The following MLLT1 variants were observed in gnomAD, a reference collection of about 807,000 sequenced individuals.
The protein encoded by MLLT1 is protein ENL.
In MLLT1, 11 loss-of-function variants were observed where a neutral mutation model predicts 55.1. The observed-to-expected ratio is 0.20, with a 90% confidence interval of 0.13 to 0.33. MLLT1 has a LOEUF of 0.33. MLLT1 is among the 10% of genes least tolerant of loss of function. The pLI is 1.00. For synonymous variants in MLLT1, 323 were observed against 320.1 expected (o/e 1.01, Z -0.10); for missense variants, 536 against 760.6 (o/e 0.70, Z 3.47).
chr19:6,224,330 C>A lies in MLLT1; in HGVS notation c.547-1646G>T, dbSNP rs77217533. On this transcript the variant is annotated intron_variant, in intron 5 of 11. Transcript: ENST00000252674. ...AGCGGGAGTGCCCCCAGAATCCCCC[C>A]AGCTGGCCTGGGCCATGCAGGGCTA... is the stretch of plus-strand genomic sequence containing the variant. Among the ~76,000 whole-genome samples, 38 of 152,376 alleles carry A rather than the reference C, an allele frequency of 2.5e-4. 1 individual carries two copies. In the East Asian group the frequency reaches 6.4e-3, roughly 26 times the overall value.
chr19:6,269,375 G>A (rs1471996045), intron 2 of MLLT1, among the ~76,000 whole-genome samples: 2 of 152,270 alleles, frequency 1.3e-5, no homozygotes, highest in African/African-American at 2.4e-5. Flanking sequence ...GTGTCCCCAC[G>A]ATTAGGAAGC....
rs2091407180 is a variant in MLLT1, at chr19:6,273,034, T to C, written c.13-2275A>G. 6.6e-6 allele frequency among the ~76,000 whole-genome samples: 1 copy of C among 152,098 alleles called. No individual in the cohort carries two copies. Among genetic ancestry groups the C allele is most frequent in the Non-Finnish European group, 1.5e-5 (1 of 68,012 alleles). On this transcript the variant is annotated intron_variant, in intron 1 of 11. Transcript: ENST00000252674. The surrounding 1 kb of genome is among the most constrained non-coding windows in gnomAD (Gnocchi z 4.3). ...CTCAGGACGACTGTCCCTCTGGAGT[T>C]CCCTGGGAAAAGAGGGCAGGGACTC...
intron 3 of MLLT1, among the ~76,000 whole-genome samples, chr19:6,252,929 G>A (rs574727233): frequency 9.2e-5 from 14 of 152,068 alleles, no homozygotes; most frequent in South Asian, 2.1e-4. Context: ...GCTAGATAAT[G>A]TAAATAAGAC....
intron 3 of MLLT1, among the ~76,000 whole-genome samples, chr19:6,232,764 T>C (rs948066603): frequency 4.6e-5 from 7 of 152,186 alleles, no homozygotes; most frequent in Non-Finnish European, 1.0e-4. Flanking sequence ...GAAAATATGC[T>C]GGAATTTAAA....
chr19:6,250,708 C>A (rs1012332364), intron 3 of MLLT1, among the ~76,000 whole-genome samples: 1 of 152,076 alleles, frequency 6.6e-6, no homozygotes, highest in African/African-American at 2.4e-5. Flanking sequence ...TGGTTGAATT[C>A]ATGGATACGG....
chr19:6,268,064 A>G (rs117204768), intron 2 of MLLT1, among the ~76,000 whole-genome samples: 2,804 of 152,362 alleles, frequency 0.018, 44 homozygotes, highest in Middle Eastern at 0.037. Flanking sequence ...CGAGATGTTA[A>G]GATGGTGCTA....
chr19:6,221,087 C>T (rs550101347), intron 6 of MLLT1, among the ~76,000 whole-genome samples: 1 of 152,334 alleles, frequency 6.6e-6, no homozygotes, highest in South Asian at 2.1e-4. Flanking sequence ...ATGAGCGCTG[C>T]CCACATAACC....
At position 6,222,724 on chromosome 19, in the gene MLLT1, G is replaced by A. The variant is rs753321799; in HGVS notation, c.547-40C>T. 2 of 1,480,472 alleles carry A rather than the reference G, an allele frequency of 1.4e-6. No individual in the cohort carries two copies. The highest frequency in any genetic ancestry group is 2.4e-5 in the East Asian group (1 of 41,866). 91.7% of individuals were successfully genotyped at this position (1,480,472 alleles called of 1,614,324 possible). A position where few individuals can be genotyped will look rare whatever the true frequency, so the allele number is the denominator to read the frequency against. The stretch of plus-strand genomic sequence containing the variant: ...GCAGGGAGGGCAAGGGGAGAGACAA[G>A]GTCACGTGGCATTGCGGGGCGCCCT... On this transcript the variant is annotated intron_variant, in intron 5 of 11. Transcript: ENST00000252674. This position sits in a 1 kb window ranked among gnomAD's most constrained non-coding sequence, Gnocchi z 4.1.
chr19:6,221,740 A>G (rs3787070), intron 6 of MLLT1, among the ~76,000 whole-genome samples: 20,452 of 152,186 alleles, frequency 0.13, 3,183 homozygotes, highest in African/African-American at 0.38. Flanking sequence ...CGGGCTGACC[A>G]CGCCATGGTC....
rs573887348 is a variant in MLLT1, at chr19:6,235,040, G to A, written c.277-4327C>T. 1.3e-5 allele frequency among the ~76,000 whole-genome samples: 2 copies of A among 152,318 alleles called. No homozygotes were observed. The highest frequency in any genetic ancestry group is 1.9e-4 in the East Asian group (1 of 5,184). On this transcript the variant is annotated intron_variant, in intron 3 of 11. Coordinates refer to ENST00000252674, the MANE Select transcript of MLLT1 (RefSeq NM_005934.4). The surrounding 1 kb of genome is among the most constrained non-coding windows in gnomAD (Gnocchi z 5.5). ...GGTATGGTCCTGGTAGCACTGTCTT[G>A]TTAGAGGCCCCTTTTGAAATATTTA...
At chr19:6,255,062 G>A (rs1187302921) in intron 3 of MLLT1, among the ~76,000 whole-genome samples, 1 of 151,548 alleles carries the variant, frequency 6.6e-6, no homozygotes, top group East Asian at 1.9e-4. Context: ...CACAAAAATT[G>A]TTTGTGCTGT....
intron 1 of MLLT1, among the ~76,000 whole-genome samples, chr19:6,272,785 C>T (rs2091405574): frequency 2.0e-5 from 3 of 152,136 alleles, no homozygotes; most frequent in Admixed American, 2.0e-4. Flanking sequence ...GCCATGGTGG[C>T]AGATAAGGAC....
intron 3 of MLLT1, among the ~76,000 whole-genome samples, chr19:6,237,354 C>T (rs1568283931): frequency 1.3e-5 from 2 of 152,208 alleles, no homozygotes; most frequent in Non-Finnish European, 2.9e-5. Flanking sequence ...TCTTCCCGCT[C>T]CTGCCGACCC....
intron 8 of MLLT1, among the ~76,000 whole-genome samples, chr19:6,214,783 A>C (rs1015601361): frequency 1.3e-5 from 2 of 152,132 alleles, no homozygotes; most frequent in Non-Finnish European, 2.9e-5. Context: ...AACACGTTTA[A>C]AACACAGCAA....
Position 6,212,331 on chromosome 19 carries a change from G to T in MLLT1, c.*711C>A. Reference sequence around the variant, plus strand: ...GAATTCCTCCATGCGCCTGGAGAGGGCCAGCTGCCGTGCCTGGCTCGGCCT... The same window carrying T: ...GAATTCCTCCATGCGCCTGGAGAGGTCCAGCTGCCGTGCCTGGCTCGGCCT... On this transcript the variant is annotated 3_prime_UTR_variant, in exon 12 of 12. Coordinates refer to ENST00000252674, the MANE Select transcript of MLLT1 (RefSeq NM_005934.4). 3 of 1,061,750 alleles carry T rather than the reference G, an allele frequency of 2.8e-6. No homozygotes were observed. Among genetic ancestry groups the T allele is most frequent in the Non-Finnish European group, 3.4e-6 (3 of 878,616 alleles). 65.8% of individuals were successfully genotyped at this position (1,061,750 alleles called of 1,614,324 possible). A position where few individuals can be genotyped will look rare whatever the true frequency, so the allele number is the denominator to read the frequency against.
chr19:6,213,190 G>A lies in MLLT1; in HGVS notation c.1552-20C>T. The A allele has an allele frequency of 1.2e-6, 2 of 1,613,840 alleles. No homozygotes were observed. The highest frequency in any genetic ancestry group is 1.7e-6 in the Non-Finnish European group (2 of 1,179,816). On this transcript the variant is annotated intron_variant, in intron 11 of 11. Transcript: ENST00000252674. ...CACAATCTGTAAGGTGGTGGCAGGTGGCTTCAGGGGCAGGGGGCCAAGGGT... is the reference window on the plus strand; with the variant it reads ...CACAATCTGTAAGGTGGTGGCAGGTAGCTTCAGGGGCAGGGGGCCAAGGGT...
At position 6,240,066 on chromosome 19, in the gene MLLT1, T is replaced by C. The variant is rs2091100792; in HGVS notation, c.277-9353A>G. Among the ~76,000 whole-genome samples, 1 of 151,962 alleles carries C rather than the reference T, an allele frequency of 6.6e-6. No individual in the cohort carries two copies. Among genetic ancestry groups the C allele is most frequent in the Non-Finnish European group, 1.5e-5 (1 of 68,002 alleles). The stretch of plus-strand genomic sequence containing the variant: ...GTGACCCTGGACGGGCTGCTGCACC[T>C]CTCTGAGCCTCAGAGAGAGGCAGGA... On this transcript the variant is annotated intron_variant, in intron 3 of 11. Transcript: ENST00000252674. This position sits in a 1 kb window ranked among gnomAD's most constrained non-coding sequence, Gnocchi z 4.7.
At chr19:6,238,047 A>G (rs893031591) in intron 3 of MLLT1, among the ~76,000 whole-genome samples, 13 of 152,224 alleles carry the variant, frequency 8.5e-5, no homozygotes, top group African/African-American at 2.9e-4. Context: ...CGAGGTTGCA[A>G]TGAGCTATGA....
chr19:6,272,587 G>A (rs901559028), intron 1 of MLLT1, among the ~76,000 whole-genome samples: 14 of 152,148 alleles, frequency 9.2e-5, no homozygotes, highest in Non-Finnish European at 2.1e-4. Flanking sequence ...CCCATCCCCC[G>A]CTCCTGGGTT....
Sources: gnomAD v4.1 joint callset for allele counts (sites outside exome capture counted in the v4.1 genomes callset) on GRCh38, gnomAD v4.1.1 for gene constraint, Gnocchi (gnomAD v3.1) non-coding constraint, MANE v1.5 for transcripts, NCBI Gene and HGNC (gene_info 2026-07-23, HGNC 2026-07-21) for gene names.